Variants in BBS9 observed in about 807,000 individuals in gnomAD.
BBS9 encodes the protein protein PTHB1.
BBS9 carries 89 observed loss-of-function variants against 117.7 expected under a neutral mutation model. The observed-to-expected ratio is 0.76, with a 90% confidence interval of 0.64 to 0.90. The LOEUF (loss-of-function observed/expected upper bound fraction) is 0.90. BBS9 is among the 40% of genes least tolerant of loss of function. BBS9 has a pLI of 0.00. For synonymous variants in BBS9, 379 were observed against 370.9 expected, an observed-to-expected ratio of 1.02 and a Z score of -0.25; for missense variants, 982 against 1,042.2, an observed-to-expected ratio of 0.94 and a Z score of 0.80.
intron 19 of BBS9, among the ~76,000 whole-genome samples, chr7:33,498,732 T>C (rs1175412697): frequency 2.0e-5 from 3 of 152,222 alleles, no homozygotes; most frequent in Non-Finnish European, 1.5e-5. Context: ...ATTATATGAA[T>C]ATGCCACAAT....
intron 19 of BBS9, among the ~76,000 whole-genome samples, chr7:33,415,118 G>A (rs144038385): frequency 1.3e-5 from 2 of 152,072 alleles, no homozygotes; most frequent in African/African-American, 2.4e-5. Context: ...GACCTTCATG[G>A]TGGGCTTCTT....
chr7:33,148,864 T>C (rs547844694), intron 2 of BBS9, among the ~76,000 whole-genome samples: 19 of 152,254 alleles, frequency 1.2e-4, no homozygotes, highest in African/African-American at 4.6e-4. Flanking sequence ...GCTCAAGTGA[T>C]CCTCCTGCCT....
intron 5 of BBS9, among the ~76,000 whole-genome samples, chr7:33,223,356 T>C (rs1037381755): frequency 2.6e-5 from 4 of 152,224 alleles, no homozygotes; most frequent in Admixed American, 2.6e-4. Flanking sequence ...TATGGTACAC[T>C]ACTATTAACT....
intron 5 of BBS9, among the ~76,000 whole-genome samples, chr7:33,207,956 C>T (rs569510667): frequency 1.7e-4 from 26 of 151,990 alleles, no homozygotes; most frequent in Admixed American, 2.6e-4. Context: ...TATAGGTGTG[C>T]GCCACCATGC....
At chr7:33,454,711 C>G (rs1411544369) in intron 19 of BBS9, among the ~76,000 whole-genome samples, 1 of 152,194 alleles carries the variant, frequency 6.6e-6, no homozygotes, top group East Asian at 1.9e-4. Flanking sequence ...CTTGTGCACA[C>G]CTGCTATATA....
At chr7:33,343,983 A>G (rs1436771760) in intron 11 of BBS9, among the ~76,000 whole-genome samples, 1 of 152,032 alleles carries the variant, frequency 6.6e-6, no homozygotes, top group Non-Finnish European at 1.5e-5. Context: ...ATAAATAACA[A>G]GTTAATAGAA....
intron 19 of BBS9, among the ~76,000 whole-genome samples, chr7:33,443,758 A>T (rs1455759809): frequency 6.6e-6 from 1 of 152,194 alleles, no homozygotes; most frequent in Non-Finnish European, 1.5e-5. Context: ...TACATATGAC[A>T]CCAGACCCCT....
rs1050887894 is a variant in BBS9, at chr7:33,527,448, T to C, written c.2299-6506T>C. On this transcript the variant is annotated intron_variant, in intron 20 of 22. Transcript: ENST00000242067. Reference sequence around the variant, plus strand: ...GAGCCAGGTGTGGGATATAGTCTCGTGGTGCGCCGTTTTTTAAGCGGGTCT... The same window carrying C: ...GAGCCAGGTGTGGGATATAGTCTCGCGGTGCGCCGTTTTTTAAGCGGGTCT... Among the ~76,000 whole-genome samples, 178 of 152,184 alleles carry C rather than the reference T, an allele frequency of 1.2e-3. 2 individuals carry two copies. Among genetic ancestry groups the C allele is most frequent in the African/African-American group, 4.2e-3 (173 of 41,544 alleles).
intron 9 of BBS9, among the ~76,000 whole-genome samples, chr7:33,281,324 A>C (rs1478404096): frequency 1.5e-5 from 2 of 130,530 alleles, no homozygotes; most frequent in Non-Finnish European, 3.3e-5. Context: ...GTTTGCTTTG[A>C]GTTCACTTAG....
intron 1 of BBS9, among the ~76,000 whole-genome samples, chr7:33,134,344 C>T (rs1304079991): frequency 2.6e-5 from 4 of 151,450 alleles, no homozygotes; most frequent in Non-Finnish European, 4.4e-5. Flanking sequence ...GGATTACAGG[C>T]GTGAGCCACT....
intron 4 of BBS9, among the ~76,000 whole-genome samples, chr7:33,172,898 C>G (rs1796814264): frequency 6.6e-6 from 1 of 152,182 alleles, no homozygotes; most frequent in African/African-American, 2.4e-5. Flanking sequence ...GCACCTTAAT[C>G]AAAGGTGTGA....
chr7:33,336,195 G>A (rs559752875), intron 9 of BBS9, among the ~76,000 whole-genome samples: 6 of 152,318 alleles, frequency 3.9e-5, no homozygotes, highest in Admixed American at 1.3e-4. Context: ...GTCCCCAAAA[G>A]TGGTAGCTAT....
intron 5 of BBS9, among the ~76,000 whole-genome samples, chr7:33,220,016 A>G (rs1001690711): frequency 2.0e-5 from 3 of 152,176 alleles, no homozygotes; most frequent in Non-Finnish European, 4.4e-5. Context: ...ATCAGAAGGA[A>G]CAAACTCCGG....
chr7:33,165,233 C>A (rs1262236641), intron 4 of BBS9, among the ~76,000 whole-genome samples: 8 of 152,178 alleles, frequency 5.3e-5, no homozygotes, highest in Non-Finnish European at 8.8e-5. Flanking sequence ...TGTGGGTAAC[C>A]TGACCTTTCT....
chr7:33,580,794 G>A (rs1401287143), intron 21 of BBS9, among the ~76,000 whole-genome samples: 1 of 152,142 alleles, frequency 6.6e-6, no homozygotes, highest in East Asian at 1.9e-4. Flanking sequence ...ATTCAGCCAG[G>A]ATGCTAAGAC....
intron 4 of BBS9, among the ~76,000 whole-genome samples, chr7:33,163,820 C>A (rs191385437): frequency 0.011 from 1,629 of 151,940 alleles, 13 homozygotes; most frequent in South Asian, 0.04. Flanking sequence ...TTTTTTGTGT[C>A]TCTATTTCCT....
At chr7:33,454,920 C>T (rs1481635382) in intron 19 of BBS9, among the ~76,000 whole-genome samples, 1 of 152,184 alleles carries the variant, frequency 6.6e-6, no homozygotes, top group African/African-American at 2.4e-5. Flanking sequence ...TCTCAAAAGT[C>T]AGAGCCCAAG....
chr7:33,478,037 TTGTA>T (rs1842036556), intron 19 of BBS9, among the ~76,000 whole-genome samples: 1 of 152,030 alleles, frequency 6.6e-6, no homozygotes, highest in Admixed American at 6.6e-5. Flanking sequence ...GGGAAGGAAA[TTGTA>T]TGTCTCTTGC....
chr7:33,455,210 T>A (rs969723711), intron 19 of BBS9, among the ~76,000 whole-genome samples: 1 of 149,954 alleles, frequency 6.7e-6, no homozygotes, highest in Non-Finnish European at 1.5e-5. Flanking sequence ...CAGACTTCAG[T>A]TCCTCATCTG....
Sources: gnomAD v4.1 joint callset for allele counts (sites outside exome capture counted in the v4.1 genomes callset) on GRCh38, gnomAD v4.1.1 for gene constraint, MANE v1.5 for transcripts, NCBI Gene and HGNC (gene_info 2026-07-23, HGNC 2026-07-21) for gene names.